ATM: variants seen among roughly 807,000 people sequenced by gnomAD.
The protein encoded by ATM is serine-protein kinase ATM.
In ATM, 308 loss-of-function variants were observed where a neutral mutation model predicts 387.0. That is an observed-to-expected ratio of 0.80 (90% CI 0.73 to 0.87). The LOEUF (loss-of-function observed/expected upper bound fraction) is 0.87. Among genes scored for constraint, ATM ranks in the 40% least tolerant of loss-of-function variants. The pLI is 0.00. For missense variants in ATM, 3,312 were observed against 3,560.9 expected (o/e 0.93, Z 1.78); for synonymous variants, 1,156 against 1,187.3 (o/e 0.97, Z 0.54).
At chr11:108,255,709 A>C (rs1190529939) in intron 13 of ATM, among the ~76,000 whole-genome samples, 1 of 152,202 alleles carries the variant, frequency 6.6e-6, no homozygotes, top group East Asian at 1.9e-4. Flanking sequence ...TGTAGGCGTG[A>C]GCCACCATGC....
At chr11:108,238,411 C>T (rs1333561879) in intron 5 of ATM, among the ~76,000 whole-genome samples, 1 of 152,116 alleles carries the variant, frequency 6.6e-6, no homozygotes, top group African/African-American at 2.4e-5. Flanking sequence ...CTTGACCTCC[C>T]AAAGTGTTGG....
At chr11:108,321,569 G>A in intron 45 of ATM, 149 bp downstream of exon 45, 2 of 1,197,750 alleles carry the variant, frequency 1.7e-6, no homozygotes, top group Non-Finnish European at 2.4e-6. Context: ...GATCACTTGA[G>A]GTCAGGAGTT....
At chr11:108,283,969 G>C (rs1484002089) in intron 25 of ATM, among the ~76,000 whole-genome samples, 1 of 151,980 alleles carries the variant, frequency 6.6e-6, no homozygotes, top group African/African-American at 2.4e-5. Flanking sequence ...TTTTTGCTAA[G>C]GGTGCTACTG....
In ATM at chr11:108,314,290, A is replaced by G. The variant is rs897930947; in HGVS notation, c.6007-1533A>G. ...CCCACCATCTCCAGCTAATTTTTGT[A>G]GAGATGGGTTTAGCCATGTTGCCCA... On this transcript the variant is annotated intron_variant, in intron 40 of 62. Transcript: ENST00000675843. Among the ~76,000 whole-genome samples, 13 of 152,050 alleles carry G rather than the reference A, an allele frequency of 8.5e-5. 1 individual carries two copies. In the South Asian group the frequency reaches 2.7e-3, roughly 32 times the overall value.
intron 33 of ATM, among the ~76,000 whole-genome samples, chr11:108,297,822 TGTA>T (rs1373666014): frequency 2.0e-5 from 3 of 152,216 alleles, no homozygotes; most frequent in African/African-American, 7.2e-5. Flanking sequence ...AGGCCCCTTT[TGTA>T]CTTTTCTTCC....
At chr11:108,261,033 A>G (rs1193564928) in intron 16 of ATM, among the ~76,000 whole-genome samples, 1 of 152,136 alleles carries the variant, frequency 6.6e-6, no homozygotes, top group Non-Finnish European at 1.5e-5. Context: ...TCTGAGATCA[A>G]ACTGCAAGGC....
chr11:108,286,606 T>C (rs1318254938), intron 26 of ATM, among the ~76,000 whole-genome samples: 1 of 152,166 alleles, frequency 6.6e-6, no homozygotes, highest in African/African-American at 2.4e-5. Flanking sequence ...TTCAATTTCT[T>C]ATCTGCCACA....
At chr11:108,280,427 T>C (rs1422348880) in intron 23 of ATM, among the ~76,000 whole-genome samples, 1 of 152,176 alleles carries the variant, frequency 6.6e-6, no homozygotes, top group African/African-American at 2.4e-5. Context: ...AATAGAAGCA[T>C]ATTGTCATGA....
At chr11:108,262,669 A>G (rs1443742644) in intron 16 of ATM, among the ~76,000 whole-genome samples, 5 of 151,856 alleles carry the variant, frequency 3.3e-5, no homozygotes, top group South Asian at 2.1e-4. Flanking sequence ...AAATGCTCCA[A>G]TTAAAAGACA....
Position 108,251,034 on chromosome 11 carries a change from C to T in ATM, c.1569C>T (p.Phe523=), listed in dbSNP as rs1565383743. ...QGSLVEVDRE[F]WKLFTGSACR... is the part of the protein sequence containing the mutation. ...GTTTAGTTGAGGTTGACAGAGAATTCTGGAAGTTATTTACTGGGTCAGCCT... is the reference window on the plus strand; with the variant it reads ...GTTTAGTTGAGGTTGACAGAGAATTTTGGAAGTTATTTACTGGGTCAGCCT... The change falls in exon 10 of 63, where the codon TTC becomes TTT. Residue 523 remains phenylalanine, a synonymous_variant. Coordinates refer to ENST00000675843, the MANE Select transcript of ATM (RefSeq NM_000051.4). 6.2e-7 allele frequency: 1 copy of T among 1,614,088 alleles called. No individual in the cohort carries two copies. The highest frequency in any genetic ancestry group is 8.5e-7 in the Non-Finnish European group (1 of 1,180,024).
intron 1 of ATM, chr11:108,224,426 A>G (rs902233636): frequency 5.3e-5 from 8 of 152,256 alleles, no homozygotes; most frequent in Non-Finnish European, 1.2e-4. Context: ...GCTCGTAGGA[A>G]GTAGGAAATC....
Position 108,234,739 on chromosome 11 carries a change from G to T in ATM, c.332-931G>T, listed in dbSNP as rs1008738272. Among the ~76,000 whole-genome samples the T allele has an allele frequency of 3.9e-5, 6 of 152,046 alleles. No individual in the cohort carries two copies. In the East Asian group the frequency reaches 1.2e-3, roughly 29 times the overall value. ...ATCTATAGTCCCAGTTGCTCAGGAG[G>T]CTAAGGTGGGAGGATCCCTTGAGCC... On this transcript the variant is annotated intron_variant, in intron 4 of 62. Transcript: ENST00000675843.
chr11:108,306,190 T>C (rs1036963980), intron 37 of ATM, among the ~76,000 whole-genome samples: 2 of 152,222 alleles, frequency 1.3e-5, no homozygotes, highest in African/African-American at 4.8e-5. Flanking sequence ...ATTACAAATC[T>C]ACTATTTGGA....
At chr11:108,364,110 GAT>G (rs1233724378) in intron 61 of ATM, among the ~76,000 whole-genome samples, 3 of 152,060 alleles carry the variant, frequency 2.0e-5, no homozygotes, top group African/African-American at 7.2e-5. Flanking sequence ...AAAATAGAGA[GAT>G]TTTGGTTCTG....
chr11:108,347,459 A>G, intron 59 of ATM, 94 bp downstream of exon 59: 1 of 1,081,834 alleles, frequency 9.2e-7, no homozygotes, highest in Non-Finnish European at 1.4e-6. Flanking sequence ...AATATAAGAG[A>G]CAGATAAATT....
chr11:108,363,219 C>G (rs1360318538), intron 61 of ATM, among the ~76,000 whole-genome samples: 1 of 152,132 alleles, frequency 6.6e-6, no homozygotes. Context: ...CATTTCTTTC[C>G]TCTCTTGGAT....
chr11:108,295,361 CTG>C (rs2083066659), intron 32 of ATM: 1 of 346,720 alleles, frequency 2.9e-6, no homozygotes, highest in South Asian at 2.6e-5. Context: ...GAGTCTCACT[CTG>C]TCACCTAGGC....
In ATM at chr11:108,331,670, AT is replaced by A. The variant is rs2086251214; in HGVS notation, c.7629+119del. On this transcript the variant is annotated intron_variant, in intron 51 of 62. Transcript: ENST00000675843. ...AAGAAATGGAAATACAAAATTTTGT[AT>A]TTTTTGTCTTCTCACATCACATAAG... 4.3e-6 allele frequency: 6 copies of A among 1,390,678 alleles called. No individual in the cohort carries two copies. The East Asian group carries it at 1.5e-4, about 35-fold the overall frequency. The allele number at this position is 1,390,678 out of a possible 1,614,324, so 86.1% of individuals were successfully genotyped here. A position where few individuals can be genotyped will look rare whatever the true frequency, so the allele number is the denominator to read the frequency against.
chr11:108,329,761 G>A (rs975047589), intron 49 of ATM, among the ~76,000 whole-genome samples: 2 of 152,128 alleles, frequency 1.3e-5, no homozygotes, highest in Admixed American at 6.5e-5. Context: ...AGATATTGAC[G>A]TGTTCTTTTG....
Sources: gnomAD v4.1 joint callset for allele counts (sites outside exome capture counted in the v4.1 genomes callset) on GRCh38, gnomAD v4.1.1 for gene constraint, MANE v1.5 for transcripts, NCBI Gene and HGNC (gene_info 2026-07-23, HGNC 2026-07-21) for gene names.